The following SYNRG variants were observed in gnomAD, a reference collection of about 807,000 sequenced individuals.
The protein encoded by SYNRG is synergin gamma.
SYNRG carries 37 observed loss-of-function variants against 130.9 expected under a neutral mutation model. The observed-to-expected ratio is 0.28, with a 90% confidence interval of 0.22 to 0.37. SYNRG has a LOEUF of 0.37. Among genes scored for constraint, SYNRG ranks in the 10% least tolerant of loss-of-function variants. The pLI is 1.00. For missense variants in SYNRG, 1,338 were observed against 1,588.9 expected (o/e 0.84, Z 2.68); for synonymous variants, 539 against 568.1 (o/e 0.95, Z 0.73).
In SYNRG at chr17:37,585,480, G is replaced by A. The variant is rs773056446; in HGVS notation, c.372-50C>T. The A allele has an allele frequency of 4.0e-6, 5 of 1,265,056 alleles. No homozygotes were observed. In the East Asian group the frequency reaches 1.2e-4, roughly 29 times the overall value. The allele number at this position is 1,265,056 out of a possible 1,614,324, so 78.4% of individuals were successfully genotyped here. Reference sequence around the variant, plus strand: ...GAACCAGCTCCCGGGATTATACACTGTGTTTTATATTCAGATTTCTAACAG... The same window carrying A: ...GAACCAGCTCCCGGGATTATACACTATGTTTTATATTCAGATTTCTAACAG... On this transcript the variant is annotated intron_variant, in intron 4 of 21. Coordinates refer to ENST00000612223, the MANE Select transcript of SYNRG (RefSeq NM_007247.6).
intron 21 of SYNRG, 92 bp downstream of exon 21, chr17:37,520,087 G>T: frequency 7.2e-7 from 1 of 1,392,808 alleles, no homozygotes; most frequent in Non-Finnish European, 1.0e-6. Context: ...GATTGGAACA[G>T]TTCAGGATGG....
intron 3 of SYNRG, among the ~76,000 whole-genome samples, chr17:37,589,727 C>T (rs1476036314): frequency 6.7e-6 from 1 of 148,988 alleles, no homozygotes; most frequent in Non-Finnish European, 1.5e-5. Flanking sequence ...CCAGCCTGGG[C>T]GACAGCAAGA....
At chr17:37,540,019 C>T (rs1452284688) in intron 16 of SYNRG, among the ~76,000 whole-genome samples, 1 of 152,168 alleles carries the variant, frequency 6.6e-6, no homozygotes, top group Admixed American at 6.5e-5. Flanking sequence ...CACTAAGATG[C>T]AGCAGACAGA....
rs567638504 is a variant in SYNRG, at chr17:37,540,850, G to C, written c.3203-307C>G. ...CGGTTTCATTGTGTTGGCCAGGCTG[G>C]TCTCGAACTCCTGATCTCAAGTTAT... On this transcript the variant is annotated intron_variant, in intron 15 of 21. Transcript: ENST00000612223. The C allele has an allele frequency of 1.5e-4, 137 of 944,816 alleles. No homozygotes were observed. In the African/African-American group the frequency reaches 2.3e-3, roughly 16 times the overall value. The allele number at this position is 944,816 out of a possible 1,614,324, so 58.5% of individuals were successfully genotyped here.
intron 17 of SYNRG, 110 bp downstream of exon 17, chr17:37,539,082 C>A: frequency 6.5e-7 from 1 of 1,530,480 alleles, no homozygotes; most frequent in Non-Finnish European, 8.8e-7. Flanking sequence ...CCAGGGACAT[C>A]CAAGTAAGGC....
chr17:37,537,486 G>C (rs2057310731), intron 18 of SYNRG: 1 of 152,156 alleles, frequency 6.6e-6, no homozygotes, highest in African/African-American at 2.4e-5. Flanking sequence ...AAATTAGCTG[G>C]GTGCATGGTG....
chr17:37,552,161 C>T (rs1432893637), intron 14 of SYNRG, among the ~76,000 whole-genome samples: 5 of 152,130 alleles, frequency 3.3e-5, no homozygotes, highest in South Asian at 2.1e-4. Context: ...CACGTGTCCC[C>T]CCTAGTTAGA....
At position 37,517,068 on chromosome 17, in the gene SYNRG, G is replaced by A. The variant is rs577480036; in HGVS notation, c.*1872C>T. The A allele has an allele frequency of 6.2e-4, 95 of 152,372 alleles. No homozygotes were observed. Among genetic ancestry groups the A allele is most frequent in the African/African-American group, 2.2e-3 (91 of 41,548 alleles). The allele number at this position is 152,372 out of a possible 1,614,324, so 9.4% of individuals were successfully genotyped here. ...TGCCTCTACTAAAAATACAAAATTA[G>A]CTGGGCGTGGTGGTGCACGCCTGTA... On this transcript the variant is annotated 3_prime_UTR_variant, in exon 22 of 22. Transcript: ENST00000612223.
intron 11 of SYNRG, among the ~76,000 whole-genome samples, chr17:37,565,698 C>T (rs1598383775): frequency 6.6e-6 from 1 of 150,810 alleles, no homozygotes; most frequent in African/African-American, 2.4e-5. Context: ...GCCCCGCCGC[C>T]CCATCTGGGA....
rs2060784310 is a variant in SYNRG at position 37,575,796 on chromosome 17, T to C, written c.901+545A>G. The stretch of plus-strand genomic sequence containing the variant: ...AGGTCAAGGCTGCAGTGAGCCAAGA[T>C]CCTGCCACTGAACTCCAGCCTGGGT... On this transcript the variant is annotated intron_variant, in intron 8 of 21. Transcript: ENST00000612223. 2.1e-5 allele frequency among the ~76,000 whole-genome samples: 3 copies of C among 141,424 alleles called. No homozygotes were observed. In the South Asian group the frequency reaches 6.5e-4, roughly 31 times the overall value. The allele number at this position is 141,424 out of a possible 152,430, so 92.8% of individuals were successfully genotyped here. A position where few individuals can be genotyped will look rare whatever the true frequency, so the allele number is the denominator to read the frequency against.
chr17:37,541,575 G>A (rs2057764660), intron 15 of SYNRG: 1 of 207,010 alleles, frequency 4.8e-6, no homozygotes. Context: ...GTGATATGCA[G>A]GCTAGATGCA....
chr17:37,586,900 T>C (rs1362589303), intron 3 of SYNRG, among the ~76,000 whole-genome samples: 3 of 152,150 alleles, frequency 2.0e-5, no homozygotes, highest in Non-Finnish European at 4.4e-5. Flanking sequence ...AGAGGCATTA[T>C]ATCTTATATA....
At chr17:37,529,954 T>A in intron 19 of SYNRG, 1 of 1,016,988 alleles carries the variant, frequency 9.8e-7, no homozygotes, top group Non-Finnish European at 1.5e-6. Context: ...CAAAGAACCT[T>A]AAAATCTAAA....
At chr17:37,540,716 C>G in intron 15 of SYNRG, 173 bp from the exon 16 acceptor site, 3 of 783,550 alleles carry the variant, frequency 3.8e-6, no homozygotes, top group Non-Finnish European at 5.5e-6. Flanking sequence ...CTCAGTGCAA[C>G]CTCCGCCTCC....
rs746968827 is a variant in SYNRG at position 37,600,372 on chromosome 17, G to T, written c.109C>A (p.Pro37Thr). The T allele has an allele frequency of 3.2e-5, 51 of 1,612,652 alleles. No homozygotes were observed. Among genetic ancestry groups the T allele is most frequent in the Non-Finnish European group, 4.2e-5 (50 of 1,179,740 alleles). Residue 37 changes from proline to threonine, a missense_variant, in exon 2 of 22, where the codon CCC becomes ACC. By Grantham distance (38) the Pro-to-Thr change is conservative. Transcript: ENST00000612223. ...TTAAGCTCTCACATACCTTGAGGGG[G>T]TCTTATCCCACCTGCAACAGGAAAC... ...FMFPVAGGIR[P>T]PQAGLMPMQQ...
At chr17:37,579,363 T>C (rs950160055) in intron 6 of SYNRG, 1 of 1,304,324 alleles carries the variant, frequency 7.7e-7, no homozygotes, top group South Asian at 1.2e-5. Flanking sequence ...ATAAAGTCAC[T>C]GAATTCTTCT....
Position 37,553,995 on chromosome 17 carries a change from G to C in SYNRG, c.1728C>G (p.Ala576=), listed in dbSNP as rs571072541. 1 of 1,608,502 alleles carries C rather than the reference G, an allele frequency of 6.2e-7. No individual in the cohort carries two copies. Among genetic ancestry groups the C allele is most frequent in the Non-Finnish European group, 8.5e-7 (1 of 1,178,858 alleles). ...TDDGFTDFKT[A]DSVSPLEPPT... is the part of the protein sequence containing the mutation. ...GTGGCTCTAGTGGTGATACACTATC[G>C]GCTGTTTTAAAATCGGTGAAACCAT... The change falls in exon 14 of 22, where the codon GCC becomes GCG. Residue 576 remains alanine (A), a synonymous_variant. Coordinates refer to ENST00000612223, the MANE Select transcript of SYNRG (RefSeq NM_007247.6).
At chr17:37,577,889 G>A (rs1050068653) in intron 6 of SYNRG, among the ~76,000 whole-genome samples, 8 of 151,038 alleles carry the variant, frequency 5.3e-5, no homozygotes, top group Non-Finnish European at 1.2e-4. Context: ...TAGTAGAGAC[G>A]GGGTTTCGCC....
intron 1 of SYNRG, 57 bp from the exon 2 acceptor site, chr17:37,600,460 C>A (rs934098680): frequency 6.4e-7 from 1 of 1,555,436 alleles, no homozygotes; most frequent in Non-Finnish European, 8.8e-7. Flanking sequence ...TTTCAAATAA[C>A]ACGTGTACTT....
Sources: allele counts gnomAD v4.1 joint callset (sites outside exome capture counted in the v4.1 genomes callset), GRCh38; gene constraint gnomAD v4.1.1; transcripts MANE v1.5; gene names NCBI Gene and HGNC (gene_info 2026-07-23, HGNC 2026-07-21).